The following CCM2 variants were observed in gnomAD, a reference collection of about 807,000 sequenced individuals.
CCM2 encodes cerebral cavernous malformations 2 protein.
CCM2 carries 25 observed loss-of-function variants against 44.9 expected under a neutral mutation model. The observed-to-expected ratio is 0.56, with a 90% CI of 0.41 to 0.78. The LOEUF is 0.78. Ranked by LOEUF, CCM2 falls within the 30% of genes least tolerant of loss-of-function variation. The pLI is 0.00. For synonymous variants in CCM2, 219 were observed against 241.1 expected (o/e 0.91, Z 0.85); for missense variants, 481 against 580.6 (o/e 0.83, Z 1.76).
At position 45,009,402 on chromosome 7, in the gene CCM2, G is replaced by GTT. The variant is rs66697662; in HGVS notation, c.30+9058_30+9059dup. Among the ~76,000 whole-genome samples, 214 of 74,830 alleles carry GTT rather than the reference G, an allele frequency of 2.9e-3. 4 individuals carry two copies. The highest frequency in any genetic ancestry group is 4.7e-3 in the Admixed American group (22 of 4,706). 49.1% of individuals were successfully genotyped at this position (74,830 alleles called of 152,430 possible). ...TCTGCCACTAACGTTGGCTATACTT[G>GTT]TTTTTTTTTTTTTTTTTTTTGAGAC... On this transcript the variant is annotated intron_variant, in intron 1 of 9. Transcript: ENST00000258781.
At chr7:45,063,418 A>G (rs1351558349) in intron 2 of CCM2, among the ~76,000 whole-genome samples, 2 of 152,180 alleles carry the variant, frequency 1.3e-5, no homozygotes, top group Non-Finnish European at 2.9e-5. Context: ...GCATGTGGGG[A>G]CTAAGTTTCC....
intron 2 of CCM2, among the ~76,000 whole-genome samples, chr7:45,043,869 T>C (rs528456749): frequency 7.9e-5 from 12 of 152,334 alleles, no homozygotes. Context: ...CAACCCTGAA[T>C]TAAATTGTTT....
At chr7:45,037,280 GCT>G (rs1797269200) in intron 1 of CCM2, among the ~76,000 whole-genome samples, 1 of 150,956 alleles carries the variant, frequency 6.6e-6, no homozygotes, top group African/African-American at 2.4e-5. Context: ...ATCCTCTCTT[GCT>G]CTCTCACTGA....
chr7:45,068,752 C>T (rs1158666098), intron 5 of CCM2, among the ~76,000 whole-genome samples, 173 bp downstream of exon 5: 2 of 152,118 alleles, frequency 1.3e-5, no homozygotes, highest in Non-Finnish European at 2.9e-5. Context: ...CCCCACCTCT[C>T]TCTGCTCAAC....
intron 1 of CCM2, among the ~76,000 whole-genome samples, chr7:45,017,596 G>A (rs903488606): frequency 6.6e-5 from 10 of 152,168 alleles, no homozygotes; most frequent in Non-Finnish European, 1.2e-4. Context: ...TACCTGGCAC[G>A]GTCGTAGGTC....
chr7:45,052,069 C>A (rs1348880743), intron 2 of CCM2, among the ~76,000 whole-genome samples: 1 of 152,184 alleles, frequency 6.6e-6, no homozygotes, highest in Admixed American at 6.5e-5. Context: ...TCCCTTGATC[C>A]AAGGTGATGA....
chr7:45,044,547 A>T (rs1021727904), intron 2 of CCM2, among the ~76,000 whole-genome samples: 3 of 152,132 alleles, frequency 2.0e-5, no homozygotes, highest in Non-Finnish European at 4.4e-5. Context: ...TAAGTTCCCC[A>T]TCTTGACTCT....
At chr7:45,072,210 C>G (rs1799112854) in intron 6 of CCM2, 1 of 329,182 alleles carries the variant, frequency 3.0e-6, no homozygotes, top group African/African-American at 2.2e-5. Context: ...AGTGCCAGAC[C>G]CTTTGCTGGT....
At chr7:45,000,523 G>A (rs1210341684) in intron 1 of CCM2, among the ~76,000 whole-genome samples, 160 bp downstream of exon 1, 1 of 151,246 alleles carries the variant, frequency 6.6e-6, no homozygotes, top group Non-Finnish European at 1.5e-5. Flanking sequence ...CAATGGTCAG[G>A]TGGGCTTTCG....
At chr7:45,008,950 A>T (rs1795957538) in intron 1 of CCM2, among the ~76,000 whole-genome samples, 1 of 152,074 alleles carries the variant, frequency 6.6e-6, no homozygotes, top group Non-Finnish European at 1.5e-5. Context: ...TGAAAGAGGT[A>T]TGTGCAGCCT....
intron 4 of CCM2, 90 bp from the exon 5 acceptor site, chr7:45,068,353 C>T (rs1230194988): frequency 1.9e-6 from 3 of 1,558,172 alleles, no homozygotes; most frequent in East Asian, 2.2e-5. Flanking sequence ...GTCCTCTCAG[C>T]CTGTTTCCAT....
Position 45,064,180 on chromosome 7 carries a change from G to C in CCM2, c.288+179G>C, listed in dbSNP as rs137874552. Among the ~76,000 whole-genome samples the C allele has an allele frequency of 1.8e-3, 267 of 152,248 alleles. 1 individual carries two copies. The highest frequency in any genetic ancestry group is 2.3e-3 in the Non-Finnish European group (155 of 68,028). ...GACATTAAGTTGATTCTCGACACTT[G>C]CTCCATGTGATTTTGGGCTGTTTCC... On this transcript the variant is annotated intron_variant, in intron 3 of 9. Transcript: ENST00000258781.
intron 2 of CCM2, among the ~76,000 whole-genome samples, chr7:45,040,944 C>T (rs1353148565): frequency 3.9e-5 from 6 of 152,132 alleles, no homozygotes; most frequent in Non-Finnish European, 5.9e-5. Flanking sequence ...GAGCCGAGAT[C>T]GCACCCCTGC....
intron 4 of CCM2, 172 bp from the exon 5 acceptor site, chr7:45,068,271 T>C: frequency 1.3e-6 from 1 of 785,412 alleles, no homozygotes; most frequent in Non-Finnish European, 2.1e-6. Flanking sequence ...CCACCCTTAT[T>C]TAGAGAAGCG....
chr7:45,073,379 G>A (rs1484598697), intron 7 of CCM2, 81 bp from the exon 8 acceptor site: 6 of 872,250 alleles, frequency 6.9e-6, no homozygotes, highest in Middle Eastern at 4.4e-4. Context: ...CCACACACAC[G>A]GCATGGACTA....
At chr7:45,019,059 CTTTTTT>C (rs34045609) in intron 1 of CCM2, among the ~76,000 whole-genome samples, 11 of 93,310 alleles carry the variant, frequency 1.2e-4, no homozygotes, top group African/African-American at 4.0e-4. Context: ...TGCGCCTGGC[CTTTTTT>C]TTTTTTTTTT....
chr7:45,059,106 C>T (rs1456228753), intron 2 of CCM2, among the ~76,000 whole-genome samples: 2 of 152,026 alleles, frequency 1.3e-5, no homozygotes, highest in Admixed American at 6.6e-5. Context: ...GTCTTGAACT[C>T]CTGACCTCAG....
chr7:45,062,798 G>A (rs1290859981), intron 2 of CCM2, among the ~76,000 whole-genome samples: 1 of 148,330 alleles, frequency 6.7e-6, no homozygotes, highest in East Asian at 2.0e-4. Flanking sequence ...CTGCACCCCA[G>A]CCTGTGTGAT....
intron 1 of CCM2, among the ~76,000 whole-genome samples, chr7:45,034,512 C>CTTTTTTTTTTTT (rs35845924): frequency 6.1e-5 from 4 of 65,232 alleles, no homozygotes; most frequent in Non-Finnish European, 7.9e-5. Flanking sequence ...CATGCCTGGC[C>CTTTTTTTTTTTT]TTTTTTTTTT....
Sources: gnomAD v4.1 joint callset for allele counts (sites outside exome capture counted in the v4.1 genomes callset) on GRCh38, gnomAD v4.1.1 for gene constraint, MANE v1.5 for transcripts, NCBI Gene and HGNC (gene_info 2026-07-23, HGNC 2026-07-21) for gene names.